TAFA2: variants seen among roughly 807,000 people sequenced by gnomAD.
TAFA2 encodes TAFA chemokine like family member 2.
A neutral mutation model predicts 18.8 loss-of-function variants in TAFA2; 7 were observed. That is an observed-to-expected ratio of 0.37 (90% CI 0.21 to 0.70). The LOEUF is 0.70. TAFA2 is among the 30% of genes least tolerant of loss of function. The pLI is 0.53. For synonymous variants in TAFA2, 60 were observed against 54.2 expected, an observed-to-expected ratio of 1.11 and a Z score of -0.47; for missense variants, 122 against 158.1, an observed-to-expected ratio of 0.77 and a Z score of 1.23.
intron 1 of TAFA2, among the ~76,000 whole-genome samples, chr12:61,915,119 C>T (rs1235116401): frequency 2.6e-5 from 4 of 152,158 alleles, no homozygotes; most frequent in Non-Finnish European, 5.9e-5. Context: ...CAAGATCGTG[C>T]CACTGCTCTC....
chr12:62,062,046 C>T (rs1038545924), intron 1 of TAFA2, among the ~76,000 whole-genome samples: 13 of 152,042 alleles, frequency 8.6e-5, no homozygotes, highest in South Asian at 4.1e-4. Flanking sequence ...CAATGGTGCA[C>T]GCCTGTAGAA....
At chr12:62,223,158 G>C (rs2062771107) in intron 1 of TAFA2, among the ~76,000 whole-genome samples, 1 of 152,050 alleles carries the variant, frequency 6.6e-6, no homozygotes, top group Non-Finnish European at 1.5e-5. Context: ...ACATAAAAAA[G>C]TAAGTAATAT....
intron 1 of TAFA2, chr12:62,234,774 G>C (rs2062828275): frequency 9.3e-7 from 1 of 1,074,250 alleles, no homozygotes; most frequent in African/African-American, 1.5e-5. Flanking sequence ...TGTCTGTGGA[G>C]CAGGTCTGGG....
intron 1 of TAFA2, among the ~76,000 whole-genome samples, chr12:61,924,869 C>T (rs1335072353): frequency 1.3e-5 from 2 of 152,064 alleles, no homozygotes; most frequent in East Asian, 3.9e-4. Flanking sequence ...CACACATAGG[C>T]TCAAAATAAT....
At chr12:62,199,597 T>C (rs1262517647) in intron 1 of TAFA2, among the ~76,000 whole-genome samples, 1 of 151,244 alleles carries the variant, frequency 6.6e-6, no homozygotes, top group Non-Finnish European at 1.5e-5. Flanking sequence ...TGTGTGTGTA[T>C]ATATATATAT....
intron 1 of TAFA2, among the ~76,000 whole-genome samples, chr12:62,123,285 T>C (rs149722131): frequency 6.6e-6 from 1 of 152,208 alleles, no homozygotes; most frequent in Non-Finnish European, 1.5e-5. Context: ...GACTAATTGA[T>C]TAATCTATTG....
chr12:61,847,640 T>C (rs534591080), intron 2 of TAFA2, among the ~76,000 whole-genome samples: 4 of 152,206 alleles, frequency 2.6e-5, no homozygotes, highest in Non-Finnish European at 5.9e-5. Context: ...CAAAAGTTTG[T>C]CTAACAAAAA....
chr12:62,201,116 A>C (rs1285537721), intron 1 of TAFA2, among the ~76,000 whole-genome samples: 7 of 152,138 alleles, frequency 4.6e-5, no homozygotes, highest in Admixed American at 2.6e-4. Context: ...CTGAATTTGC[A>C]TATCAGCTTA....
intron 1 of TAFA2, chr12:62,253,718 T>C (rs1164357079): frequency 1.3e-5 from 2 of 152,210 alleles, no homozygotes; most frequent in African/African-American, 4.8e-5. Context: ...TGGACCCAAC[T>C]GAATTATTCA....
At chr12:62,233,572 T>A (rs527262255) in intron 1 of TAFA2, among the ~76,000 whole-genome samples, 1 of 152,234 alleles carries the variant, frequency 6.6e-6, no homozygotes, top group South Asian at 2.1e-4. Flanking sequence ...AGCAATCTGG[T>A]CTGCTGACCC....
At chr12:62,210,850 G>A (rs1350255346) in intron 1 of TAFA2, among the ~76,000 whole-genome samples, 1 of 152,098 alleles carries the variant, frequency 6.6e-6, no homozygotes, top group African/African-American at 2.4e-5. Flanking sequence ...ATAAGAGAAC[G>A]TATATTGTCT....
intron 2 of TAFA2, among the ~76,000 whole-genome samples, chr12:61,826,504 G>A (rs992206837): frequency 6.6e-5 from 10 of 151,926 alleles, no homozygotes; most frequent in Non-Finnish European, 1.2e-4. Context: ...GAAAATTGGG[G>A]AACAGTTATC....
chr12:62,103,865 G>C (rs752026144), intron 1 of TAFA2, among the ~76,000 whole-genome samples: 1 of 152,154 alleles, frequency 6.6e-6, no homozygotes, highest in South Asian at 2.1e-4. Context: ...AATTATTCAG[G>C]CATTGCTCAG....
intron 2 of TAFA2, among the ~76,000 whole-genome samples, chr12:61,814,230 C>T (rs1315784669): frequency 2.0e-5 from 3 of 151,184 alleles, no homozygotes; most frequent in Non-Finnish European, 4.4e-5. Flanking sequence ...GTAAAAAGTG[C>T]TAGGCCTCAT....
chr12:62,008,970 A>G (rs76718972), intron 1 of TAFA2, among the ~76,000 whole-genome samples: 10,467 of 152,292 alleles, frequency 0.069, 460 homozygotes, highest in Non-Finnish European at 0.11. Context: ...GAACTTTTCT[A>G]ACTAGTAAAT....
intron 1 of TAFA2, chr12:62,234,414 CTGTCCAT>C (rs1266915318): frequency 1.4e-6 from 1 of 719,430 alleles, no homozygotes; most frequent in Non-Finnish European, 2.6e-6. Context: ...GACCGTCCTG[CTGTCCAT>C]TGTTGGCCCG....
At chr12:61,816,208 T>C (rs1872078267) in intron 2 of TAFA2, among the ~76,000 whole-genome samples, 1 of 151,256 alleles carries the variant, frequency 6.6e-6, no homozygotes, top group Non-Finnish European at 1.5e-5. Context: ...CCAGTGTCTG[T>C]TGCTCCCTTC....
intron 1 of TAFA2, among the ~76,000 whole-genome samples, chr12:61,952,308 G>A (rs1176381722): frequency 6.6e-6 from 1 of 152,044 alleles, no homozygotes; most frequent in Non-Finnish European, 1.5e-5. Context: ...TAATGATAAA[G>A]AAGCTATGAG....
At chr12:61,823,455 C>T (rs192251909) in intron 2 of TAFA2, among the ~76,000 whole-genome samples, 14 of 152,236 alleles carry the variant, frequency 9.2e-5, no homozygotes, top group Non-Finnish European at 1.8e-4. Context: ...TTACAGGCAC[C>T]CATTAACTTT....
Sources: allele counts gnomAD v4.1 joint callset (sites outside exome capture counted in the v4.1 genomes callset), GRCh38; gene constraint gnomAD v4.1.1; transcripts MANE v1.5; gene names NCBI Gene and HGNC (gene_info 2026-07-23, HGNC 2026-07-21).